TASP1: variants seen among roughly 807,000 people sequenced by gnomAD.
TASP1 encodes threonine aspartase 1.
TASP1 carries 16 observed loss-of-function variants against 56.6 expected under a neutral mutation model. That is an observed-to-expected ratio of 0.28 (90% CI 0.19 to 0.43). The LOEUF is 0.43. Ranked by LOEUF, TASP1 falls within the 20% of genes least tolerant of loss-of-function variation. The pLI is 1.00. For missense variants in TASP1, 393 were observed against 511.6 expected (o/e 0.77, Z 2.24); for synonymous variants, 179 against 184.2 (o/e 0.97, Z 0.23).
At chr20:13,424,942 G>C (rs1227470713) in intron 12 of TASP1, among the ~76,000 whole-genome samples, 1 of 152,152 alleles carries the variant, frequency 6.6e-6, no homozygotes, top group African/African-American at 2.4e-5. Flanking sequence ...CAAATGCAAT[G>C]TGAGAAAACG....
chr20:13,296,686 C>T, the TASP1 span, among the ~76,000 whole-genome samples: 1 of 152,048 alleles, frequency 6.6e-6, no homozygotes, highest in Non-Finnish European at 1.5e-5. Context: ...AGTCCAGGGA[C>T]CTGGGTGAAG....
At chr20:13,623,395 C>T (rs1384063637) in intron 4 of TASP1, 51 bp downstream of exon 4, 5 of 1,480,984 alleles carry the variant, frequency 3.4e-6, no homozygotes, top group Non-Finnish European at 4.7e-6. Flanking sequence ...CATTTAAGAA[C>T]AATAAAGATA....
chr20:13,376,145 T>C, the TASP1 span, among the ~76,000 whole-genome samples: 1 of 152,232 alleles, frequency 6.6e-6, no homozygotes, highest in African/African-American at 2.4e-5. Context: ...CATGAACTCT[T>C]TGCCCATGCC....
chr20:13,106,044 G>A, the TASP1 span, among the ~76,000 whole-genome samples: 1 of 152,136 alleles, frequency 6.6e-6, no homozygotes, highest in Non-Finnish European at 1.5e-5. Context: ...CTGCCATCTA[G>A]TGGTTAATAA....
At chr20:13,231,511 C>T in the TASP1 span, among the ~76,000 whole-genome samples, 1 of 152,146 alleles carries the variant, frequency 6.6e-6, no homozygotes, top group South Asian at 2.1e-4. Context: ...GCCTCAGAGG[C>T]GTGTGGGATT....
At chr20:13,628,679 G>C (rs1600209270) in intron 2 of TASP1, among the ~76,000 whole-genome samples, 1 of 152,238 alleles carries the variant, frequency 6.6e-6, no homozygotes, top group Middle Eastern at 3.4e-3. Flanking sequence ...AGTTAATCCT[G>C]CTGTCATCTT....
chr20:13,200,233 G>A, the TASP1 span, among the ~76,000 whole-genome samples: 2 of 152,206 alleles, frequency 1.3e-5, no homozygotes, highest in Non-Finnish European at 2.9e-5. Flanking sequence ...AATGCCAAGT[G>A]TCAGTTGTAC....
At chr20:13,402,710 T>A (rs1445042801) in intron 13 of TASP1, among the ~76,000 whole-genome samples, 1 of 152,240 alleles carries the variant, frequency 6.6e-6, no homozygotes, top group African/African-American at 2.4e-5. Context: ...GTGTTTCCTG[T>A]CAAATCTAAA....
the TASP1 span, among the ~76,000 whole-genome samples, chr20:13,112,285 G>A: frequency 6.6e-6 from 1 of 152,162 alleles, no homozygotes; most frequent in African/African-American, 2.4e-5. Flanking sequence ...CCTCGGTACT[G>A]GCTCTCACCT....
At chr20:13,408,969 A>C (rs1171150223) in intron 13 of TASP1, among the ~76,000 whole-genome samples, 1 of 151,452 alleles carries the variant, frequency 6.6e-6, no homozygotes, top group African/African-American at 2.4e-5. Context: ...TTTCTTTTCT[A>C]TGTTACTGCT....
the TASP1 span, among the ~76,000 whole-genome samples, chr20:13,154,478 A>T: frequency 5.9e-5 from 9 of 152,132 alleles, no homozygotes; most frequent in African/African-American, 2.2e-4. Context: ...TCTGAAGATC[A>T]TCTCTCCCCA....
intron 1 of TASP1, among the ~76,000 whole-genome samples, chr20:13,630,518 A>G (rs1337414703): frequency 6.6e-6 from 1 of 151,742 alleles, no homozygotes; most frequent in Non-Finnish European, 1.5e-5. Context: ...GTGAAACCTC[A>G]TCTCTACTAA....
chr20:13,403,472 A>C (rs1324840364), intron 13 of TASP1, among the ~76,000 whole-genome samples: 1 of 152,176 alleles, frequency 6.6e-6, no homozygotes, highest in Admixed American at 6.5e-5. Flanking sequence ...ACCACCACCC[A>C]TCATAACAAA....
intron 13 of TASP1, among the ~76,000 whole-genome samples, chr20:13,394,640 T>C (rs1380124220): frequency 6.6e-6 from 1 of 151,824 alleles, no homozygotes; most frequent in Non-Finnish European, 1.5e-5. Flanking sequence ...GTTTTTTTTT[T>C]AAAGTATAGA....
the TASP1 span, among the ~76,000 whole-genome samples, chr20:13,138,763 C>T: frequency 6.6e-6 from 1 of 152,162 alleles, no homozygotes; most frequent in Non-Finnish European, 1.5e-5. Context: ...TTGATAAATG[C>T]ATGGTTTTAT....
At chr20:13,604,433 T>G (rs1326066163) in intron 4 of TASP1, among the ~76,000 whole-genome samples, 1 of 152,174 alleles carries the variant, frequency 6.6e-6, no homozygotes, top group East Asian at 1.9e-4. Context: ...CTTTGTCTCC[T>G]ACCATTATTT....
At chr20:13,381,834 G>A in the TASP1 span, among the ~76,000 whole-genome samples, 1 of 152,212 alleles carries the variant, frequency 6.6e-6, no homozygotes, top group Non-Finnish European at 1.5e-5. Flanking sequence ...ATCCCAGAAT[G>A]AAATATCTGA....
At chr20:13,457,601 T>C (rs1389658010) in intron 11 of TASP1, among the ~76,000 whole-genome samples, 1 of 150,778 alleles carries the variant, frequency 6.6e-6, no homozygotes, top group Non-Finnish European at 1.5e-5. Context: ...TTTTTTTCTT[T>C]TTAATTTTAT....
chr20:13,297,206 CA>C, the TASP1 span, among the ~76,000 whole-genome samples: 1 of 152,086 alleles, frequency 6.6e-6, no homozygotes, highest in African/African-American at 2.4e-5. Flanking sequence ...AGCTGTTTTC[CA>C]GAATGCAGAA....
Sources: allele counts gnomAD v4.1 joint callset (sites outside exome capture counted in the v4.1 genomes callset), GRCh38; gene constraint gnomAD v4.1.1; transcripts MANE v1.5; gene names NCBI Gene and HGNC (gene_info 2026-07-23, HGNC 2026-07-21).